Variants in CASKIN1 observed in about 807,000 individuals in gnomAD.
CASKIN1 encodes the protein CASK interacting protein 1.
Under a neutral mutation model 117.5 loss-of-function variants are expected in CASKIN1, and 42 were observed. That is an observed-to-expected ratio of 0.36 (90% CI 0.28 to 0.46). CASKIN1 has a LOEUF of 0.46. CASKIN1 is among the 20% of genes least tolerant of loss of function. The pLI is 1.00. For missense variants in CASKIN1, 2,083 were observed against 2,077.3 expected (o/e 1.00, Z -0.05); for synonymous variants, 1,148 against 961.7 (o/e 1.19, Z -3.59).
rs569069878 is a variant in CASKIN1, at chr16:2,178,221, G to T, written c.*329C>A. ...AGCGGCTGGCCGGGCGTCCCGATGG[G>T]CAGTTCTGTGCTGGGCCCGGGCCTG... On this transcript the variant is annotated 3_prime_UTR_variant, in exon 20 of 20. Coordinates refer to ENST00000343516, the MANE Select transcript of CASKIN1 (RefSeq NM_020764.4). The T allele has an allele frequency of 6.8e-6, 3 of 438,844 alleles. No individual in the cohort carries two copies. Among genetic ancestry groups the T allele is most frequent in the African/African-American group, 4.2e-5 (2 of 47,722 alleles). 27.2% of individuals were successfully genotyped at this position (438,844 alleles called of 1,614,324 possible). A position where few individuals can be genotyped will look rare whatever the true frequency, so the allele number is the denominator to read the frequency against.
chr16:2,179,361 G>A lies in CASKIN1; in HGVS notation c.3776-36C>T. 2.3e-6 allele frequency: 3 copies of A among 1,323,854 alleles called. No individual in the cohort carries two copies. The highest frequency in any genetic ancestry group is 1.9e-6 in the Non-Finnish European group (2 of 1,042,914). 82.0% of individuals were successfully genotyped at this position (1,323,854 alleles called of 1,614,324 possible). On this transcript the variant is annotated intron_variant, in intron 18 of 19. Coordinates refer to ENST00000343516, the MANE Select transcript of CASKIN1 (RefSeq NM_020764.4). This position sits in a 1 kb window ranked among gnomAD's most constrained non-coding sequence, Gnocchi z 5.8. ...GACCACGCTGGCACCGAGCGGGCAC[G>A]AGTTCCGCCGCCGCGCCCCCTGCCC...
At position 2,181,516 on chromosome 16, in the gene CASKIN1, G is replaced by T. The variant is rs1030069400; in HGVS notation, c.1852C>A (p.Leu618Met). 6.2e-7 allele frequency: 1 copy of T among 1,607,640 alleles called. No homozygotes were observed. The highest frequency in any genetic ancestry group is 8.5e-7 in the Non-Finnish European group (1 of 1,178,488). The part of the protein sequence containing the change: ...AEYAKYEGGP[L>M]RRKAPQSLEV... The stretch of plus-strand genomic sequence containing the variant: ...AGAGACTGGGGCGCCTTCCGGCGCA[G>T]GGGGCCCCCCTCATACTTGGCGTAT... Residue 618 changes from leucine (L) to methionine (M), a missense_variant, in exon 18 of 20, where the codon CTG becomes ATG. Physicochemically the swap from Leu to Met is conservative, Grantham distance 15. Transcript: ENST00000343516.
At position 2,180,200 on chromosome 16, in the gene CASKIN1, G is replaced by T; in HGVS notation, c.3168C>A (p.Gly1056=). The T allele has an allele frequency of 3.2e-6, 5 of 1,549,694 alleles. No homozygotes were observed. The highest frequency in any genetic ancestry group is 4.4e-6 in the Non-Finnish European group (5 of 1,147,486). The change falls in exon 18 of 20, where the codon GGC becomes GGA. Residue 1056 remains glycine, a synonymous_variant. Transcript: ENST00000343516. ...SVKHKEAIGP[G]GEVVNRRRTL... ...TGCGGCGCCGGTTCACCACCTCCCC[G>T]CCAGGCCCGATGGCCTCTTTGTGTT...
intron 12 of CASKIN1, 28 bp from the exon 13 acceptor site, chr16:2,185,063 C>T (rs758459203): frequency 1.9e-6 from 3 of 1,606,590 alleles, no homozygotes; most frequent in Non-Finnish European, 2.6e-6. Flanking sequence ...CGGCTTGTCA[C>T]CTGCTCCCAG....
chr16:2,178,092 CAGCT>C lies in CASKIN1; in HGVS notation c.*454_*457del. ...TTTGTTTCTCTGGGGAAATCCGCCT[CAGCT>C]CATTCCCAATAAATTAATACTCTTG... is the stretch of plus-strand genomic sequence containing the variant. On this transcript the variant is annotated 3_prime_UTR_variant, in exon 20 of 20. Transcript: ENST00000343516. 1 of 500,396 alleles carries C rather than the reference CAGCT, an allele frequency of 2.0e-6. No individual in the cohort carries two copies. The highest frequency in any genetic ancestry group is 3.9e-6 in the Non-Finnish European group (1 of 259,252). 31.0% of individuals were successfully genotyped at this position (500,396 alleles called of 1,614,324 possible).
intron 14 of CASKIN1, 107 bp from the exon 15 acceptor site, chr16:2,184,048 G>A (rs549960399): frequency 4.2e-5 from 29 of 686,310 alleles, no homozygotes; most frequent in East Asian, 4.2e-4. Flanking sequence ...CACTGCGTCC[G>A]CCGTCCGCTG....
rs1428454791 is a variant in CASKIN1, at chr16:2,177,440, C to T, written c.*1110G>A. The T allele has an allele frequency of 2.3e-4, 53 of 232,754 alleles. No homozygotes were observed. In the East Asian group the frequency reaches 3.0e-3, roughly 13 times the overall value. The allele number at this position is 232,754 out of a possible 1,614,324, so 14.4% of individuals were successfully genotyped here. A position where few individuals can be genotyped will look rare whatever the true frequency, so the allele number is the denominator to read the frequency against. ...TTTTTTAAATTTTTTTTTTAAGAAACGTCAAAGTTGTGCCCAACACTGTGG... is the reference window on the plus strand; with the variant it reads ...TTTTTTAAATTTTTTTTTTAAGAAATGTCAAAGTTGTGCCCAACACTGTGG... On this transcript the variant is annotated 3_prime_UTR_variant, in exon 20 of 20. Transcript: ENST00000343516.
Position 2,181,446 on chromosome 16 carries a change from G to T in CASKIN1, c.1922C>A (p.Pro641Gln). The change falls in exon 18 of 20, where the codon CCG becomes CAG. Residue 641 changes from proline to glutamine, a missense_variant. Transcript: ENST00000343516. ...CATTTTAGGGGACTGGCAGTCGGCC[G>T]GTGTGGGCTCAGGCGGGGGCGGCGA... ...IESPPPPEPT[P>Q]ADCQSPKMTT... 1.2e-6 allele frequency: 2 copies of T among 1,612,278 alleles called. No homozygotes were observed. Among genetic ancestry groups the T allele is most frequent in the Non-Finnish European group, 8.5e-7 (1 of 1,179,858 alleles).
rs749547767 is a variant in CASKIN1, at chr16:2,186,996, C to T, written c.912G>A (p.Lys304=). The change falls in exon 9 of 20, where the codon AAG becomes AAA. Residue 304 remains lysine, a synonymous_variant. Coordinates refer to ENST00000343516, the MANE Select transcript of CASKIN1 (RefSeq NM_020764.4). ...TGCTTACTGTGATGATGTCCCCTGC[C>T]TTCACGTTGAGGCTGGTCAGGTCGT... ...NNYDLTSLNV[K]AGDIITVLEQ... 2.5e-6 allele frequency: 4 copies of T among 1,613,786 alleles called. No homozygotes were observed. Among genetic ancestry groups the T allele is most frequent in the African/African-American group, 1.3e-5 (1 of 74,930 alleles).
rs1268186209 is a variant in CASKIN1, at chr16:2,182,768, A to G, written c.1630-839T>C. On this transcript the variant is annotated intron_variant, in intron 16 of 19. Coordinates refer to ENST00000343516, the MANE Select transcript of CASKIN1 (RefSeq NM_020764.4). This position sits in a 1 kb window ranked among gnomAD's most constrained non-coding sequence, Gnocchi z 4.1. ...CCCACCTTCTTCAGGCCCGGAACCCATCCCACTGCACAGGCACCTCCCTGT... is the reference window on the plus strand; with the variant it reads ...CCCACCTTCTTCAGGCCCGGAACCCGTCCCACTGCACAGGCACCTCCCTGT... Among the ~76,000 whole-genome samples the G allele has an allele frequency of 1.3e-5, 2 of 152,068 alleles. No individual in the cohort carries two copies. The highest frequency in any genetic ancestry group is 1.9e-4 in the East Asian group (1 of 5,166).
chr16:2,180,547 G>C lies in CASKIN1; in HGVS notation c.2821C>G (p.Arg941Gly). 1.9e-6 allele frequency: 3 copies of C among 1,545,928 alleles called. No individual in the cohort carries two copies. Among genetic ancestry groups the C allele is most frequent in the Non-Finnish European group, 2.6e-6 (3 of 1,152,374 alleles). Residue 941 changes from arginine to glycine, a missense_variant, in exon 18 of 20, where the codon CGA becomes GGA. This residue lies in a region of CASKIN1 where 1,818 missense variants were observed against 1,688.9 expected (regional missense o/e 1.08). Transcript: ENST00000343516. ...NRSQSFAVRP[R>G]KKGPPPPPPK... ...GGGGGCGGCGGGGGCCCCTTCTTTCGGGGCCGCACGGCAAAGGACTGGCTG... is the reference window on the plus strand; with the variant it reads ...GGGGGCGGCGGGGGCCCCTTCTTTCCGGGCCGCACGGCAAAGGACTGGCTG...
In CASKIN1 at chr16:2,180,621, C is replaced by G; in HGVS notation, c.2747G>C (p.Arg916Pro). The change falls in exon 18 of 20, where the codon CGC (arginine) becomes CCC (proline). Residue 916 changes from arginine (R) to proline (P), a missense_variant. Physicochemically the swap from Arg to Pro is moderately radical, Grantham distance 103. Transcript: ENST00000343516. ...PYATVQRRVG[R>P]SHSVRAPAGA... is the part of the protein sequence containing the mutation. ...TGCGGGCGCCCTCACTGAGTGGCTG[C>G]GGCCCACGCGCCGCTGGACCGTGGC... is the stretch of plus-strand genomic sequence containing the variant. The G allele has an allele frequency of 1.3e-6, 2 of 1,559,120 alleles. No homozygotes were observed. Among genetic ancestry groups the G allele is most frequent in the Non-Finnish European group, 8.6e-7 (1 of 1,160,390 alleles).
At chr16:2,191,558 G>A (rs117006541) in intron 1 of CASKIN1, among the ~76,000 whole-genome samples, 255 of 152,310 alleles carry the variant, frequency 1.7e-3, no homozygotes, top group Non-Finnish European at 2.3e-3. Flanking sequence ...CACAAGTCAG[G>A]ACTCGGTGCA....
chr16:2,184,772 T>G lies in CASKIN1; in HGVS notation c.1416+5A>C. Reference sequence around the variant, plus strand: ...CCACGCTGAGAACACCCCCAAGCCCTGTACCTTGCCCTCCGATGCTGGCTC... The same window carrying G: ...CCACGCTGAGAACACCCCCAAGCCCGGTACCTTGCCCTCCGATGCTGGCTC... On this transcript the variant is annotated splice_donor_5th_base_variant and intron_variant, in intron 14 of 19. Transcript: ENST00000343516. The G allele has an allele frequency of 6.6e-7, 1 of 1,513,680 alleles. No homozygotes were observed. The allele number at this position is 1,513,680 out of a possible 1,614,324, so 93.8% of individuals were successfully genotyped here.
Position 2,181,835 on chromosome 16 carries a change from T to C in CASKIN1, c.1724A>G (p.Asp575Gly). The C allele has an allele frequency of 6.2e-7, 1 of 1,613,736 alleles. No homozygotes were observed. Among genetic ancestry groups the C allele is most frequent in the Middle Eastern group, 1.6e-4 (1 of 6,062 alleles). Residue 575 changes from aspartate to glycine, a missense_variant, in exon 17 of 20, where the codon GAC becomes GGC. Asp to Gly is a moderately conservative substitution (Grantham distance 94). Coordinates refer to ENST00000343516, the MANE Select transcript of CASKIN1 (RefSeq NM_020764.4). ...CTCCTGCAGGTCCTCCCAGGTGATG[T>C]CGGTGATGAAATCAATGTTCTCGTA... is the stretch of plus-strand genomic sequence containing the variant. ...NGYENIDFIT[D>G]ITWEDLQEIG...
intron 1 of CASKIN1, among the ~76,000 whole-genome samples, chr16:2,193,738 T>C (rs1295744782): frequency 6.6e-6 from 1 of 152,170 alleles, no homozygotes; most frequent in Non-Finnish European, 1.5e-5. Flanking sequence ...AGGGGTGCCT[T>C]ACTAAAGCCA....
In CASKIN1 at chr16:2,179,437, T is replaced by A. The variant is rs2093158572; in HGVS notation, c.3776-112A>T. On this transcript the variant is annotated intron_variant, in intron 18 of 19. Transcript: ENST00000343516. The surrounding 1 kb of genome is among the most constrained non-coding windows in gnomAD (Gnocchi z 5.8). ...CGGACCGGGAAAGACCCTGCTCACC[T>A]TGCCCCCAGCCCTGGATGGATGAGA... The A allele has an allele frequency of 7.4e-7, 1 of 1,356,428 alleles. No individual in the cohort carries two copies. The allele number at this position is 1,356,428 out of a possible 1,614,324, so 84.0% of individuals were successfully genotyped here.
In CASKIN1 at chr16:2,181,507, T is replaced by C. The variant is rs1037906253; in HGVS notation, c.1861A>G (p.Lys621Glu). ...AKYEGGPLRR[K>E]APQSLEVMAI... ...ATCACTTCAAGAGACTGGGGCGCCT[T>C]CCGGCGCAGGGGGCCCCCCTCATAC... The change falls in exon 18 of 20, where the codon AAG (lysine) becomes GAG (glutamate). Residue 621 changes from lysine (K) to glutamate (E), a missense_variant. Lys to Glu is a moderately conservative substitution (Grantham distance 56). Coordinates refer to ENST00000343516, the MANE Select transcript of CASKIN1 (RefSeq NM_020764.4). The C allele has an allele frequency of 4.3e-6, 7 of 1,609,750 alleles. No homozygotes were observed. Among genetic ancestry groups the C allele is most frequent in the Non-Finnish European group, 5.9e-6 (7 of 1,179,304 alleles).
rs2093151851 is a variant in CASKIN1, at chr16:2,178,487, T to A, written c.*63A>T. On this transcript the variant is annotated 3_prime_UTR_variant, in exon 20 of 20. Transcript: ENST00000343516. ...GCGCCGCGCCCAGACGCGCCCATCC[T>A]GAGGTATAGGTCAGTGTGCGGGGAG... is the stretch of plus-strand genomic sequence containing the variant. The A allele has an allele frequency of 5.3e-6, 7 of 1,316,794 alleles. No individual in the cohort carries two copies. The South Asian group carries it at 9.6e-5, about 18-fold the overall frequency. The allele number at this position is 1,316,794 out of a possible 1,614,324, so 81.6% of individuals were successfully genotyped here. A position where few individuals can be genotyped will look rare whatever the true frequency, so the allele number is the denominator to read the frequency against.
Sources: gnomAD v4.1 joint callset for allele counts (sites outside exome capture counted in the v4.1 genomes callset) on GRCh38, gnomAD v4.1.1 for gene constraint, gnomAD v4.1.1 regional missense constraint, Gnocchi (gnomAD v3.1) non-coding constraint, MANE v1.5 for transcripts, NCBI Gene and HGNC (gene_info 2026-07-23, HGNC 2026-07-21) for gene names.